The following GPR158 variants were observed in gnomAD, a reference collection of about 807,000 sequenced individuals.
The protein encoded by GPR158 is G protein-coupled receptor 158.
In GPR158, 30 loss-of-function variants were observed where a neutral mutation model predicts 78.2. That is an observed-to-expected ratio of 0.38 (90% confidence interval 0.29 to 0.52). The LOEUF is 0.52. Ranked by LOEUF, GPR158 falls within the 20% of genes least tolerant of loss-of-function variation. The pLI is 0.83. For missense variants in GPR158, 1,463 were observed against 1,523.5 expected, an observed-to-expected ratio of 0.96 and a Z score of 0.66; for synonymous variants, 581 against 591.1, an observed-to-expected ratio of 0.98 and a Z score of 0.25.
intron 2 of GPR158, among the ~76,000 whole-genome samples, chr10:25,341,322 A>G (rs1406924561): frequency 5.3e-5 from 8 of 152,042 alleles, no homozygotes; most frequent in African/African-American, 1.7e-4. Context: ...TAATAGTAGT[A>G]CTTTAAAATA....
intron 2 of GPR158, among the ~76,000 whole-genome samples, chr10:25,299,824 C>CTTTATA (rs1317271041): frequency 1.3e-5 from 2 of 151,908 alleles, no homozygotes; most frequent in South Asian, 4.2e-4. Context: ...ATCAGTTTTC[C>CTTTATA]TTTTTATTTT....
At chr10:25,346,716 T>C (rs1482715560) in intron 2 of GPR158, among the ~76,000 whole-genome samples, 1 of 151,974 alleles carries the variant, frequency 6.6e-6, no homozygotes, top group Non-Finnish European at 1.5e-5. Context: ...GAGTTCTCAT[T>C]GAGAAAACTT....
chr10:25,531,878 G>C (rs550536845), intron 5 of GPR158, among the ~76,000 whole-genome samples: 1 of 152,086 alleles, frequency 6.6e-6, no homozygotes, highest in Non-Finnish European at 1.5e-5. Flanking sequence ...AGGTCATGCC[G>C]TTAGGAAGTG....
intron 2 of GPR158, among the ~76,000 whole-genome samples, chr10:25,353,777 A>T: frequency 1.3e-5 from 2 of 152,192 alleles, no homozygotes; most frequent in Middle Eastern, 6.8e-3. Flanking sequence ...TGAAGGCAGC[A>T]TATAATTGGC....
At chr10:25,348,825 A>G (rs1038868288) in intron 2 of GPR158, among the ~76,000 whole-genome samples, 7 of 152,134 alleles carry the variant, frequency 4.6e-5, no homozygotes, top group Admixed American at 6.5e-5. Context: ...AGCCCTCTTC[A>G]GGCCACCTGA....
At chr10:25,265,013 G>T (rs899503242) in intron 2 of GPR158, among the ~76,000 whole-genome samples, 3 of 152,166 alleles carry the variant, frequency 2.0e-5, no homozygotes, top group African/African-American at 7.2e-5. Flanking sequence ...TCATTAAAAT[G>T]AATTATACTG....
intron 5 of GPR158, among the ~76,000 whole-genome samples, chr10:25,514,613 G>A (rs1374588511): frequency 1.3e-5 from 2 of 152,066 alleles, no homozygotes; most frequent in Non-Finnish European, 2.9e-5. Context: ...TATAGGCCCT[G>A]TGAGATTTAT....
intron 2 of GPR158, among the ~76,000 whole-genome samples, chr10:25,389,975 C>T (rs984120686): frequency 3.3e-5 from 5 of 152,178 alleles, no homozygotes; most frequent in Admixed American, 6.5e-5. Context: ...CCATGCTGTT[C>T]TCATGATAGT....
rs760840189 is a variant in GPR158, at chr10:25,599,031, C to T, written c.3405C>T (p.Asn1135=). Residue 1135 remains asparagine, a synonymous_variant, in exon 11 of 11, where the codon AAC becomes AAT. Transcript: ENST00000376351. ...CAAAAACAGAGAATGAAAATCTCAA[C>T]CAAATAGGACACCAGGAAAAAAAGA... ...VASKTENENL[N]QIGHQEKKTS... is the part of the protein sequence containing the mutation. 2.5e-6 allele frequency: 4 copies of T among 1,614,032 alleles called. No individual in the cohort carries two copies. In the South Asian group the frequency reaches 4.4e-5, roughly 18 times the overall value.
intron 2 of GPR158, among the ~76,000 whole-genome samples, chr10:25,359,005 T>A (rs915487419): frequency 4.3e-5 from 5 of 117,300 alleles, no homozygotes; most frequent in Non-Finnish European, 6.2e-5. Context: ...AAGTATTCTG[T>A]TTTTTTTTGT....
intron 2 of GPR158, among the ~76,000 whole-genome samples, chr10:25,335,926 G>A (rs1266035854): frequency 6.6e-6 from 1 of 151,928 alleles, no homozygotes; most frequent in Admixed American, 6.6e-5. Context: ...TCCATTATTG[G>A]TAAAAGGGGG....
intron 4 of GPR158, among the ~76,000 whole-genome samples, chr10:25,419,041 G>T (rs1363198184): frequency 6.6e-6 from 1 of 151,738 alleles, no homozygotes; most frequent in Non-Finnish European, 1.5e-5. Context: ...GACTATTTTG[G>T]TAAAATAAAG....
chr10:25,205,813 GT>G (rs752744699), intron 1 of GPR158, among the ~76,000 whole-genome samples: 9 of 148,424 alleles, frequency 6.1e-5, no homozygotes, highest in Non-Finnish European at 9.0e-5. Flanking sequence ...TATCATTTTA[GT>G]TTTTTTTTTA....
At chr10:25,237,685 G>T (rs991659579) in intron 2 of GPR158, among the ~76,000 whole-genome samples, 5 of 152,144 alleles carry the variant, frequency 3.3e-5, no homozygotes, top group Admixed American at 2.0e-4. Context: ...ACAGGCACAT[G>T]ATACCTTTTA....
chr10:25,559,534 C>CT (rs1425408761), intron 6 of GPR158, among the ~76,000 whole-genome samples: 1 of 151,918 alleles, frequency 6.6e-6, no homozygotes, highest in Non-Finnish European at 1.5e-5. Flanking sequence ...TAGAGTGTGG[C>CT]TTATAATAAA....
intron 5 of GPR158, among the ~76,000 whole-genome samples, chr10:25,470,310 G>A (rs920789842): frequency 6.6e-6 from 1 of 152,038 alleles, no homozygotes; most frequent in African/African-American, 2.4e-5. Context: ...TATTTTCGGA[G>A]GTGTTTAGAG....
intron 2 of GPR158, among the ~76,000 whole-genome samples, chr10:25,270,972 T>G (rs185235000): frequency 6.6e-6 from 1 of 152,330 alleles, no homozygotes; most frequent in Non-Finnish European, 1.5e-5. Context: ...CTGCATACGC[T>G]GGCCTGGCCA....
chr10:25,396,055 C>T, intron 3 of GPR158, 42 bp downstream of exon 3: 1 of 797,568 alleles, frequency 1.3e-6, no homozygotes, highest in South Asian at 1.5e-5. Context: ...GTATATACAT[C>T]ATATATACTA....
chr10:25,599,456 G>T lies in GPR158; in HGVS notation c.*182G>T. The T allele has an allele frequency of 3.5e-6, 2 of 578,410 alleles. No individual in the cohort carries two copies. The highest frequency in any genetic ancestry group is 2.8e-5 in the East Asian group (1 of 35,242). The allele number at this position is 578,410 out of a possible 1,614,324, so 35.8% of individuals were successfully genotyped here. A position where few individuals can be genotyped will look rare whatever the true frequency, so the allele number is the denominator to read the frequency against. ...GCAAGAGCAACAACGTCATAATGGA[G>T]AAGTCAGACTTTGGTCAAGAAAGTC... On this transcript the variant is annotated 3_prime_UTR_variant, in exon 11 of 11. Transcript: ENST00000376351.
Sources: gnomAD v4.1 joint callset for allele counts (sites outside exome capture counted in the v4.1 genomes callset) on GRCh38, gnomAD v4.1.1 for gene constraint, MANE v1.5 for transcripts, NCBI Gene and HGNC (gene_info 2026-07-23, HGNC 2026-07-21) for gene names.